Variants in ZNF654 observed in about 807,000 individuals in gnomAD.
The protein encoded by ZNF654 is melanoma-associated antigen.
ZNF654 carries 19 observed loss-of-function variants against 95.3 expected under a neutral mutation model. The observed-to-expected ratio is 0.20, with a 90% confidence interval of 0.14 to 0.29. The LOEUF is 0.29. Ranked by LOEUF, ZNF654 falls within the 10% of genes least tolerant of loss-of-function variation. The probability of loss-of-function intolerance (pLI) is 1.00; values close to 1 mark genes in which losing one functional copy is unlikely to be tolerated. For missense variants in ZNF654, 1,046 were observed against 1,341.0 expected, an observed-to-expected ratio of 0.78 and a Z score of 3.44; for synonymous variants, 413 against 457.9, an observed-to-expected ratio of 0.90 and a Z score of 1.25.
chr3:88,141,143 T>C (rs1707105405), intron 8 of ZNF654, 95 bp downstream of exon 8: 2 of 1,400,598 alleles, frequency 1.4e-6, no homozygotes, highest in Non-Finnish European at 1.9e-6. Flanking sequence ...AAAATTGATA[T>C]TTGTGTAGCA....
chr3:88,135,020 A>T (rs1706688047), intron 6 of ZNF654, 41 bp from the exon 7 acceptor site: 1 of 1,302,130 alleles, frequency 7.7e-7, no homozygotes, highest in Non-Finnish European at 9.9e-7. Flanking sequence ...GTATTTGAAT[A>T]AACTGTATTT....
Position 88,141,058 on chromosome 3 carries a change from C to T in ZNF654, c.3379+10C>T, listed in dbSNP as rs1446216155. On this transcript the variant is annotated intron_variant, in intron 8 of 8. Transcript: ENST00000636215. ...GATTCAGATGATGAAAGTAAGTCTTCTGTCTTCTTAGTAGAGGTATCTGTA... is the reference window on the plus strand; with the variant it reads ...GATTCAGATGATGAAAGTAAGTCTTTTGTCTTCTTAGTAGAGGTATCTGTA... The T allele has an allele frequency of 6.3e-7, 1 of 1,579,022 alleles. No homozygotes were observed. The highest frequency in any genetic ancestry group is 1.4e-5 in the African/African-American group (1 of 73,564).
Position 88,138,685 on chromosome 3 carries a change from T to C in ZNF654, c.1036-20T>C. ...TTTTTGGAAAAAAAGTATTTAGCAC[T>C]AATATTTTTCTTTTTACAGGTTGAA... On this transcript the variant is annotated intron_variant, in intron 7 of 8. Coordinates refer to ENST00000636215, the MANE Select transcript of ZNF654 (RefSeq NM_001350134.2). 8.2e-7 allele frequency: 1 copy of C among 1,221,900 alleles called. No individual in the cohort carries two copies. Among genetic ancestry groups the C allele is most frequent in the Admixed American group, 4.2e-5 (1 of 23,704 alleles). The allele number at this position is 1,221,900 out of a possible 1,614,324, so 75.7% of individuals were successfully genotyped here. A position where few individuals can be genotyped will look rare whatever the true frequency, so the allele number is the denominator to read the frequency against.
intron 3 of ZNF654, among the ~76,000 whole-genome samples, chr3:88,123,175 C>T (rs1035630227): frequency 6.6e-5 from 10 of 151,966 alleles, no homozygotes; most frequent in Non-Finnish European, 1.2e-4. Flanking sequence ...ATTTAAGGAA[C>T]GAGGAGCCAA....
intron 6 of ZNF654, among the ~76,000 whole-genome samples, chr3:88,133,319 T>A (rs1706575512): frequency 6.6e-6 from 1 of 152,212 alleles, no homozygotes; most frequent in African/African-American, 2.4e-5. Flanking sequence ...TTTAGGTCTC[T>A]CTTATTTCCA....
chr3:88,074,273 C>G (rs555982832), intron 1 of ZNF654, among the ~76,000 whole-genome samples: 12 of 151,732 alleles, frequency 7.9e-5, no homozygotes, highest in Admixed American at 6.6e-4. Flanking sequence ...TTTTCTTCCT[C>G]TGATTGGGAG....
chr3:88,140,499 G>C lies in ZNF654; in HGVS notation c.2830G>C (p.Glu944Gln), dbSNP rs773897741. 6.2e-7 allele frequency: 1 copy of C among 1,613,676 alleles called. No homozygotes were observed. Among genetic ancestry groups the C allele is most frequent in the Non-Finnish European group, 8.5e-7 (1 of 1,179,744 alleles). Reference sequence around the variant, plus strand: ...AGACAGTTTAGTTCAGAATGGAAACGAACGTTCTGATGACACTGTTTCAAA... The same window carrying C: ...AGACAGTTTAGTTCAGAATGGAAACCAACGTTCTGATGACACTGTTTCAAA... ...KTDSLVQNGN[E>Q]RSDDTVSNIS... is the part of the protein sequence containing the mutation. The change falls in exon 8 of 9, where the codon GAA becomes CAA. Residue 944 changes from glutamate to glutamine, a missense_variant. By Grantham distance (29) the Glu-to-Gln change is conservative. Transcript: ENST00000636215.
Position 88,140,700 on chromosome 3 carries a change from C to T in ZNF654, c.3031C>T (p.Pro1011Ser), listed in dbSNP as rs747734872. 1 of 1,613,686 alleles carries T rather than the reference C, an allele frequency of 6.2e-7. No homozygotes were observed. The highest frequency in any genetic ancestry group is 1.3e-5 in the African/African-American group (1 of 74,996). Residue 1011 changes from proline to serine, a missense_variant, in exon 8 of 9, where the codon CCC becomes TCC. Coordinates refer to ENST00000636215, the MANE Select transcript of ZNF654 (RefSeq NM_001350134.2). ...RIRTENGSILPSVVPQEHNTL... is the reference protein window; with the variant it reads ...RIRTENGSILSSVVPQEHNTL... The stretch of plus-strand genomic sequence containing the variant: ...CAGGACAGAAAATGGTTCCATTTTG[C>T]CCAGTGTTGTACCACAAGAACACAA...
chr3:88,059,353 C>A lies in ZNF654; in HGVS notation c.34C>A (p.Arg12Ser). ...AEEESDQEAE[R>S]LGEELVAIVE... is the part of the protein sequence containing the mutation. ...GGAAGAGAGCGACCAAGAGGCCGAA[C>A]GCCTCGGAGAAGAGCTTGTGGCCAT... The change falls in exon 1 of 9, where the codon CGC (arginine) becomes AGC (serine). Residue 12 changes from arginine (R) to serine (S), a missense_variant. Around this residue, in one of 9 missense-constraint regions of ZNF654, gnomAD observed 89 missense variants for 77.9 expected, o/e 1.14. Transcript: ENST00000636215. 1 of 1,534,986 alleles carries A rather than the reference C, an allele frequency of 6.5e-7. No individual in the cohort carries two copies. The highest frequency in any genetic ancestry group is 2.0e-5 in the Admixed American group (1 of 50,986).
At chr3:88,060,048 C>T (rs895899842) in intron 1 of ZNF654, among the ~76,000 whole-genome samples, 3 of 151,750 alleles carry the variant, frequency 2.0e-5, no homozygotes, top group African/African-American at 7.3e-5. Context: ...CTCCAGTTGG[C>T]GTAGACGCTG....
intron 3 of ZNF654, among the ~76,000 whole-genome samples, chr3:88,119,372 CTG>C (rs1330089015): frequency 8.5e-4 from 42 of 49,672 alleles, no homozygotes; most frequent in African/African-American, 2.4e-3. Flanking sequence ...ACATCACACT[CTG>C]GGGACTGTTG....
chr3:88,067,012 C>T (rs1272432193), intron 1 of ZNF654, among the ~76,000 whole-genome samples: 1 of 152,094 alleles, frequency 6.6e-6, no homozygotes, highest in Admixed American at 6.5e-5. Flanking sequence ...ATCCTAAAGT[C>T]TAGTACATTA....
rs530698105 is a variant in ZNF654, at chr3:88,125,477, G to A, written c.415-657G>A. Among the ~76,000 whole-genome samples, 7 of 147,572 alleles carry A rather than the reference G, an allele frequency of 4.7e-5. No homozygotes were observed. The South Asian group carries it at 6.7e-4, about 14-fold the overall frequency. On this transcript the variant is annotated intron_variant, in intron 3 of 8. Coordinates refer to ENST00000636215, the MANE Select transcript of ZNF654 (RefSeq NM_001350134.2). ...ATGTATGGACAAATTCACAACTATT[G>A]CCCAACTTAACAATACATCTTTATC...
chr3:88,129,458 G>A (rs1339946414), intron 5 of ZNF654, among the ~76,000 whole-genome samples: 1 of 151,408 alleles, frequency 6.6e-6, no homozygotes, highest in African/African-American at 2.4e-5. Flanking sequence ...TGGATCGTAT[G>A]TACCTATAGG....
At chr3:88,078,577 A>G (rs1707931499) in intron 1 of ZNF654, among the ~76,000 whole-genome samples, 1 of 152,184 alleles carries the variant, frequency 6.6e-6, no homozygotes, top group South Asian at 2.1e-4. Context: ...CACTAAAAGT[A>G]GTATAATGTT....
chr3:88,113,361 C>G (rs1168980480), intron 3 of ZNF654, among the ~76,000 whole-genome samples, 165 bp downstream of exon 3: 14 of 152,018 alleles, frequency 9.2e-5, no homozygotes, highest in Non-Finnish European at 1.5e-5. Context: ...AAAATTCATA[C>G]AATTAATTTT....
At chr3:88,108,488 A>G (rs780442808) in intron 2 of ZNF654, among the ~76,000 whole-genome samples, 4 of 152,200 alleles carry the variant, frequency 2.6e-5, no homozygotes, top group Non-Finnish European at 5.9e-5. Context: ...ATAGTCAACC[A>G]TGGTCCAAAA....
At chr3:88,129,926 C>G (rs755669801) in intron 6 of ZNF654, 100 bp downstream of exon 6, 1 of 1,112,736 alleles carries the variant, frequency 9.0e-7, no homozygotes, top group Non-Finnish European at 1.2e-6. Context: ...AAATGTCAAG[C>G]TACTTTTAAA....
intron 1 of ZNF654, among the ~76,000 whole-genome samples, chr3:88,084,905 A>C (rs1444420598): frequency 2.0e-5 from 3 of 152,110 alleles, no homozygotes; most frequent in African/African-American, 4.8e-5. Context: ...AAGGAACGCT[A>C]ATCTTTTATA....
Sources: gnomAD v4.1 joint callset for allele counts (sites outside exome capture counted in the v4.1 genomes callset) on GRCh38, gnomAD v4.1.1 for gene constraint, gnomAD v4.1.1 regional missense constraint, MANE v1.5 for transcripts, NCBI Gene and HGNC (gene_info 2026-07-23, HGNC 2026-07-21) for gene names.